Variants in RNF220 observed in about 807,000 individuals in gnomAD.
RNF220 encodes E3 ubiquitin-protein ligase RNF220.
RNF220 carries 7 observed loss-of-function variants against 67.1 expected under a neutral mutation model. The observed-to-expected ratio is 0.10, with a 90% CI of 0.06 to 0.20. RNF220 has a LOEUF of 0.20. RNF220 is among the 10% of genes least tolerant of loss of function. The probability of loss-of-function intolerance (pLI) is 1.00; values close to 1 mark genes in which losing one functional copy is unlikely to be tolerated. For missense variants in RNF220, 565 were observed against 740.3 expected (o/e 0.76, Z 2.75); for synonymous variants, 270 against 283.2 (o/e 0.95, Z 0.47).
intron 2 of RNF220, among the ~76,000 whole-genome samples, chr1:44,474,417 T>TAATA (rs1254733293): frequency 2.5e-5 from 3 of 122,110 alleles, no homozygotes; most frequent in Admixed American, 8.6e-5. Context: ...ATAATAATAA[T>TAATA]AATAATAGGC....
chr1:44,525,126 A>G (rs74070507), intron 2 of RNF220, among the ~76,000 whole-genome samples: 2,700 of 152,346 alleles, frequency 0.018, 74 homozygotes, highest in African/African-American at 0.062. Flanking sequence ...AAGAAAAAAA[A>G]TCTTTATTGA....
At chr1:44,591,313 A>G (rs146474107) in intron 2 of RNF220, among the ~76,000 whole-genome samples, 4 of 152,330 alleles carry the variant, frequency 2.6e-5, no homozygotes, top group African/African-American at 4.8e-5. Flanking sequence ...GACCAAGACA[A>G]TGGTGTGCAA....
rs1416661077 is a variant in RNF220 at position 44,650,665 on chromosome 1, T to C, written c.1630-39T>C. ...AGGTGCTCACATGCGCACACATGGC[T>C]CATTGTGTAGACCAGAGCCCTCCCT... On this transcript the variant is annotated intron_variant, in intron 14 of 14. Transcript: ENST00000361799. The surrounding 1 kb of genome is among the most constrained non-coding windows in gnomAD (Gnocchi z 4.3). 3.8e-6 allele frequency: 6 copies of C among 1,595,880 alleles called. No individual in the cohort carries two copies. Among genetic ancestry groups the C allele is most frequent in the Admixed American group, 1.7e-5 (1 of 59,992 alleles).
chr1:44,411,444 G>C (rs920076247), intron 1 of RNF220, among the ~76,000 whole-genome samples: 3 of 152,126 alleles, frequency 2.0e-5, no homozygotes, highest in African/African-American at 7.2e-5. Context: ...TGTATACTTT[G>C]TACTAACTAA....
chr1:44,522,317 G>A (rs543125027), intron 2 of RNF220, among the ~76,000 whole-genome samples: 54 of 152,228 alleles, frequency 3.5e-4, no homozygotes, highest in Non-Finnish European at 6.8e-4. Context: ...CCATAAAGTA[G>A]GACTAATAAT....
At chr1:44,429,844 C>T (rs1650172882) in intron 2 of RNF220, among the ~76,000 whole-genome samples, 2 of 152,232 alleles carry the variant, frequency 1.3e-5, no homozygotes, top group Admixed American at 1.3e-4. Context: ...TACAAATATC[C>T]TTTGATGGGA....
At chr1:44,580,177 G>T (rs1665165943) in intron 2 of RNF220, among the ~76,000 whole-genome samples, 1 of 151,830 alleles carries the variant, frequency 6.6e-6, no homozygotes, top group Non-Finnish European at 1.5e-5. Flanking sequence ...ATCTCAAAAA[G>T]ATGAAGAAAC....
rs561611869 is a variant in RNF220 at position 44,560,791 on chromosome 1, A to G, written c.626-53374A>G. 5.3e-5 allele frequency among the ~76,000 whole-genome samples: 8 copies of G among 152,124 alleles called. No homozygotes were observed. In the South Asian group the frequency reaches 1.5e-3, roughly 28 times the overall value. On this transcript the variant is annotated intron_variant, in intron 2 of 14. Transcript: ENST00000361799. The stretch of plus-strand genomic sequence containing the variant: ...TGGCCAGGCTGGTCTTGAAAGCCTG[A>G]CCTCAAGTGATCCGCCCCCTCAGCC...
intron 2 of RNF220, among the ~76,000 whole-genome samples, chr1:44,541,202 T>G (rs1017772567): frequency 1.3e-5 from 2 of 152,068 alleles, no homozygotes; most frequent in Non-Finnish European, 2.9e-5. Context: ...CCGAGGTGGG[T>G]GGATCACTTG....
intron 2 of RNF220, among the ~76,000 whole-genome samples, chr1:44,535,135 CTTTTTTTTTTTT>C (rs903715852): frequency 2.9e-5 from 3 of 102,994 alleles, no homozygotes; most frequent in South Asian, 6.2e-4. Flanking sequence ...GCAGCTTCTT[CTTTTTTTTTTTT>C]TTTTTTTTTT....
chr1:44,486,346 A>C (rs1656304723), intron 2 of RNF220, among the ~76,000 whole-genome samples: 1 of 152,230 alleles, frequency 6.6e-6, no homozygotes, highest in Admixed American at 6.5e-5. Flanking sequence ...AAGTCAGAGA[A>C]AATCACGGGC....
chr1:44,416,193 G>A (rs1244871934), intron 2 of RNF220, among the ~76,000 whole-genome samples: 1 of 152,186 alleles, frequency 6.6e-6, no homozygotes, highest in Admixed American at 6.5e-5. Context: ...CATTCATGGA[G>A]GATGCATAAT....
At chr1:44,557,045 C>G (rs961910818) in intron 2 of RNF220, among the ~76,000 whole-genome samples, 3 of 151,322 alleles carry the variant, frequency 2.0e-5, no homozygotes, top group African/African-American at 7.3e-5. Flanking sequence ...CTGCATCTCT[C>G]TAGGGGCTGA....
At chr1:44,548,318 T>C (rs2148246921) in intron 2 of RNF220, among the ~76,000 whole-genome samples, 1 of 152,242 alleles carries the variant, frequency 6.6e-6, no homozygotes, top group East Asian at 1.9e-4. Context: ...AAAACGTGAC[T>C]CTAACACCTG....
rs374630875 is a variant in RNF220, at chr1:44,632,264, C to G, written c.907-79C>G. 8.9e-4 allele frequency: 1,429 copies of G among 1,613,606 alleles called. 4 individuals carry two copies. Among genetic ancestry groups the G allele is most frequent in the Admixed American group, 3.4e-3 (205 of 60,026 alleles). On this transcript the variant is annotated intron_variant, in intron 5 of 14. Transcript: ENST00000361799. The stretch of plus-strand genomic sequence containing the variant: ...AGCAGCTTTGGTCGGGGGTCCGGTG[C>G]TGGGGCGGGGGCCAGGACTGCAGGC...
rs781418030 is a variant in RNF220 at position 44,645,242 on chromosome 1, C to T, written c.1332C>T (p.Arg444=). 5.6e-5 allele frequency: 91 copies of T among 1,613,982 alleles called. No homozygotes were observed. Among genetic ancestry groups the T allele is most frequent in the Admixed American group, 1.0e-4 (6 of 60,004 alleles). The change falls in exon 11 of 15, where the codon CGC becomes CGT. Residue 444 remains arginine (R), a synonymous_variant. Transcript: ENST00000361799. The surrounding 1 kb of genome is among the most constrained non-coding windows in gnomAD (Gnocchi z 5.0). The part of the protein sequence containing the change: ...AVLNGGPPST[R]ITPEFSKWAS... ...CCAGTGGCGGCCCTCCCAGCACGCG[C>T]ATCACACCTGAGTTCTCTAAATGGG...
intron 6 of RNF220, among the ~76,000 whole-genome samples, chr1:44,634,300 C>T (rs1020566820): frequency 5.3e-5 from 8 of 152,220 alleles, no homozygotes; most frequent in African/African-American, 1.4e-4. Context: ...TACTTGGACA[C>T]GTACCTTGAT....
intron 2 of RNF220, among the ~76,000 whole-genome samples, chr1:44,509,906 A>AAAAAAC (rs1658827507): frequency 6.9e-6 from 1 of 144,456 alleles, no homozygotes; most frequent in Non-Finnish European, 1.5e-5. Context: ...AAAAAAAAAA[A>AAAAAAC]GGAAGGAAGG....
At chr1:44,626,634 G>A (rs1643949082) in intron 5 of RNF220, 1 of 556,890 alleles carries the variant, frequency 1.8e-6, no homozygotes, top group Non-Finnish European at 3.2e-6. Context: ...GGCTCCATGG[G>A]CTCTGAGCAC....
Sources: allele counts gnomAD v4.1 joint callset (sites outside exome capture counted in the v4.1 genomes callset), GRCh38; gene constraint gnomAD v4.1.1; non-coding constraint Gnocchi (gnomAD v3.1); transcripts MANE v1.5; gene names NCBI Gene and HGNC (gene_info 2026-07-23, HGNC 2026-07-21).